The following RASGEF1C variants were observed in gnomAD, a reference collection of about 807,000 sequenced individuals.
The protein encoded by RASGEF1C is RasGEF domain family member 1C.
A neutral mutation model predicts 58.1 loss-of-function variants in RASGEF1C; 27 were observed. That is an observed-to-expected ratio of 0.46 (90% CI 0.34 to 0.64). The LOEUF (loss-of-function observed/expected upper bound fraction) is 0.64, where lower values mean the gene tolerates loss of function less well. Ranked by LOEUF, RASGEF1C falls within the 30% of genes least tolerant of loss-of-function variation. RASGEF1C has a pLI of 0.01. For synonymous variants in RASGEF1C, 243 were observed against 246.3 expected (o/e 0.99, Z 0.13); for missense variants, 502 against 605.1 (o/e 0.83, Z 1.79).
chr5:180,173,656 T>C (rs1014406088), intron 1 of RASGEF1C, among the ~76,000 whole-genome samples: 2 of 152,270 alleles, frequency 1.3e-5, no homozygotes, highest in South Asian at 2.1e-4. Flanking sequence ...GGCTCCCGCC[T>C]GTAGTCCCAG....
chr5:180,136,496 C>T lies in RASGEF1C; in HGVS notation c.320G>A (p.Gly107Asp). Residue 107 changes from glycine (G) to aspartate (D), a missense_variant, in exon 4 of 14, where the codon GGC becomes GAC. Gly to Asp is a moderately conservative substitution (Grantham distance 94). Coordinates refer to ENST00000361132, the MANE Select transcript of RASGEF1C (RefSeq NM_175062.4). ...GGCCAACAGCTGCAGCAGTTTGGGG[C>T]CGAACTTCCGGACCCGGGCCTACGG... ...VLDKARVRKFGPKLLQLLAEW... is the reference protein window; with the variant it reads ...VLDKARVRKFDPKLLQLLAEW... 1 of 1,570,444 alleles carries T rather than the reference C, an allele frequency of 6.4e-7. No homozygotes were observed. The highest frequency in any genetic ancestry group is 8.6e-7 in the Non-Finnish European group (1 of 1,157,208).
intron 1 of RASGEF1C, among the ~76,000 whole-genome samples, chr5:180,157,732 T>C (rs1364279145): frequency 6.6e-6 from 1 of 152,012 alleles, no homozygotes; most frequent in Admixed American, 6.6e-5. Context: ...AAAGACTGCA[T>C]GATTCCAACT....
chr5:180,118,373 C>T (rs1470156634), intron 10 of RASGEF1C, among the ~76,000 whole-genome samples: 3 of 152,186 alleles, frequency 2.0e-5, no homozygotes, highest in African/African-American at 7.2e-5. Flanking sequence ...AGGATGACCC[C>T]AGGCAGCCCG....
In RASGEF1C at chr5:180,137,730, AAG is replaced by A; in HGVS notation, c.178-20_178-19del. On this transcript the variant is annotated intron_variant, in intron 2 of 13. Coordinates refer to ENST00000361132, the MANE Select transcript of RASGEF1C (RefSeq NM_175062.4). This position sits in a 1 kb window ranked among gnomAD's most constrained non-coding sequence, Gnocchi z 4.1. ...TAGGCTTTCTGGGGGACACACGAGA[AAG>A]AGGGCACAGGCTCAGGAGGGCACCA... 2 of 1,612,716 alleles carry A rather than the reference AAG, an allele frequency of 1.2e-6. No individual in the cohort carries two copies. Among genetic ancestry groups the A allele is most frequent in the Non-Finnish European group, 1.7e-6 (2 of 1,179,798 alleles).
chr5:180,157,359 C>T (rs936000260), intron 1 of RASGEF1C, among the ~76,000 whole-genome samples: 23 of 152,086 alleles, frequency 1.5e-4, no homozygotes, highest in Non-Finnish European at 8.8e-5. Flanking sequence ...CAGTGGCTCA[C>T]GCCTGTAATC....
chr5:180,128,453 C>G lies in RASGEF1C; in HGVS notation c.596G>C (p.Ser199Thr). ...SIHRELLGVC[S>T]DPYTLAQQLT... ...CTGCTGGGCCAGTGTGTAGGGGTCG[C>G]TGCAGACACCAAGGAGCTCCCTGTG... Residue 199 changes from serine to threonine, a missense_variant, in exon 5 of 14, where the codon AGC (serine) becomes ACC (threonine). Transcript: ENST00000361132. The G allele has an allele frequency of 6.2e-7, 1 of 1,614,006 alleles. No homozygotes were observed. The highest frequency in any genetic ancestry group is 8.5e-7 in the Non-Finnish European group (1 of 1,179,994).
chr5:180,136,582 G>A lies in RASGEF1C; in HGVS notation c.301-67C>T, dbSNP rs988796665. 196 of 1,490,784 alleles carry A rather than the reference G, an allele frequency of 1.3e-4. 2 individuals are homozygous for A. The Middle Eastern group carries it at 2.3e-3, about 17-fold the overall frequency. 92.3% of individuals were successfully genotyped at this position (1,490,784 alleles called of 1,614,324 possible). A position where few individuals can be genotyped will look rare whatever the true frequency, so the allele number is the denominator to read the frequency against. ...GGTGGGCACGTGAGCCTCACTGCGC[G>A]TCCTTGCGGGTCTGGCCGCCCGGGG... On this transcript the variant is annotated intron_variant, in intron 3 of 13. Coordinates refer to ENST00000361132, the MANE Select transcript of RASGEF1C (RefSeq NM_175062.4).
chr5:180,141,566 A>G (rs922184694), intron 1 of RASGEF1C, among the ~76,000 whole-genome samples: 1 of 152,218 alleles, frequency 6.6e-6, no homozygotes, highest in Non-Finnish European at 1.5e-5. Flanking sequence ...GGGGTGGGAC[A>G]GGAGAACAGA....
intron 1 of RASGEF1C, among the ~76,000 whole-genome samples, chr5:180,159,285 G>GCC (rs1402078397): frequency 6.6e-6 from 1 of 151,670 alleles, no homozygotes; most frequent in Non-Finnish European, 1.5e-5. Flanking sequence ...GAGTACAGGC[G>GCC]TGCACCACCA....
At chr5:180,115,952 G>C (rs554769146) in intron 10 of RASGEF1C, among the ~76,000 whole-genome samples, 1 of 152,062 alleles carries the variant, frequency 6.6e-6, no homozygotes, top group Admixed American at 6.6e-5. Flanking sequence ...CTGGACAGCC[G>C]AACTGTGTTG....
chr5:180,145,910 T>C (rs1485030372), intron 1 of RASGEF1C, among the ~76,000 whole-genome samples: 2 of 152,234 alleles, frequency 1.3e-5, no homozygotes, highest in South Asian at 2.1e-4. Context: ...TTGTTTGTTT[T>C]TGAGTTTTAG....
chr5:180,137,004 C>T lies in RASGEF1C; in HGVS notation c.301-489G>A, dbSNP rs778539809. The stretch of plus-strand genomic sequence containing the variant: ...GTAGGTGAGCCTGGTGCGGTGGAGG[C>T]GGCCAAGCGCCACACCAGCCAGCCC... On this transcript the variant is annotated intron_variant, in intron 3 of 13. Transcript: ENST00000361132. The surrounding 1 kb of genome is among the most constrained non-coding windows in gnomAD (Gnocchi z 4.1). Among the ~76,000 whole-genome samples the T allele has an allele frequency of 3.9e-5, 6 of 152,134 alleles. No homozygotes were observed. Among genetic ancestry groups the T allele is most frequent in the Non-Finnish European group, 8.8e-5 (6 of 68,020 alleles).
At chr5:180,110,088 C>T (rs538693244) in intron 12 of RASGEF1C, among the ~76,000 whole-genome samples, 1 of 151,912 alleles carries the variant, frequency 6.6e-6, no homozygotes, top group African/African-American at 2.4e-5. Flanking sequence ...GTGTGGACTT[C>T]GCCTGGGCAG....
chr5:180,206,034 C>T (rs936780927), intron 1 of RASGEF1C, among the ~76,000 whole-genome samples: 12 of 152,296 alleles, frequency 7.9e-5, no homozygotes, highest in Non-Finnish European at 1.2e-4. Context: ...TGTGCCAGGC[C>T]CTCCTTGCCT....
intron 1 of RASGEF1C, among the ~76,000 whole-genome samples, chr5:180,206,598 C>A (rs995172568): frequency 3.3e-5 from 5 of 152,130 alleles, no homozygotes; most frequent in Non-Finnish European, 7.4e-5. Context: ...TAAATATACA[C>A]CTTTGCAAAC....
intron 1 of RASGEF1C, among the ~76,000 whole-genome samples, chr5:180,200,873 G>T (rs957376232): frequency 6.6e-6 from 1 of 152,162 alleles, no homozygotes; most frequent in Non-Finnish European, 1.5e-5. Flanking sequence ...TTGGTGGGGT[G>T]AGGGCTCAGG....
In RASGEF1C at chr5:180,177,134, T is replaced by C. The variant is rs1767242407; in HGVS notation, c.-7+31894A>G. On this transcript the variant is annotated intron_variant, in intron 1 of 13. Coordinates refer to ENST00000361132, the MANE Select transcript of RASGEF1C (RefSeq NM_175062.4). The surrounding 1 kb of genome is among the most constrained non-coding windows in gnomAD (Gnocchi z 5.0). Reference sequence around the variant, plus strand: ...GGTGAGAGGTGAGACTCTCAGAGCCTGACGGAGGGGCTGGATGAGGGGCAG... The same window carrying C: ...GGTGAGAGGTGAGACTCTCAGAGCCCGACGGAGGGGCTGGATGAGGGGCAG... Among the ~76,000 whole-genome samples the C allele has an allele frequency of 6.6e-6, 1 of 152,052 alleles. No homozygotes were observed. Among genetic ancestry groups the C allele is most frequent in the South Asian group, 2.1e-4 (1 of 4,808 alleles).
intron 1 of RASGEF1C, among the ~76,000 whole-genome samples, chr5:180,151,069 A>G (rs1363399845): frequency 6.6e-6 from 1 of 151,954 alleles, no homozygotes; most frequent in African/African-American, 2.4e-5. Flanking sequence ...ATAAAAGAGG[A>G]TACAAACAAA....
At chr5:180,145,182 G>A (rs989444693) in intron 1 of RASGEF1C, among the ~76,000 whole-genome samples, 2 of 152,036 alleles carry the variant, frequency 1.3e-5, no homozygotes, top group African/African-American at 4.8e-5. Context: ...GTGCCGTGGT[G>A]CAATCTCAGC....
Sources: gnomAD v4.1 joint callset for allele counts (sites outside exome capture counted in the v4.1 genomes callset) on GRCh38, gnomAD v4.1.1 for gene constraint, Gnocchi (gnomAD v3.1) non-coding constraint, MANE v1.5 for transcripts, NCBI Gene and HGNC (gene_info 2026-07-23, HGNC 2026-07-21) for gene names.